Variants in CSMD1 observed in about 807,000 individuals in gnomAD.
The protein encoded by CSMD1 is CUB and Sushi multiple domains 1.
CSMD1 carries 213 observed loss-of-function variants against 417.5 expected under a neutral mutation model. That is an observed-to-expected ratio of 0.51 (90% CI 0.46 to 0.57). The LOEUF is 0.57. CSMD1 is among the 20% of genes least tolerant of loss of function. CSMD1 has a pLI of 0.00. For synonymous variants in CSMD1, 2,862 were observed against 1,736.8 expected (o/e 1.65, Z -16.11); for missense variants, 6,923 against 4,529.7 (o/e 1.53, Z -15.17).
chr8:4,371,931 T>C (rs1802421106), intron 3 of CSMD1, among the ~76,000 whole-genome samples: 1 of 152,210 alleles, frequency 6.6e-6, no homozygotes, highest in Non-Finnish European at 1.5e-5. Flanking sequence ...AGAGTAATGA[T>C]GACGAAAAGT....
intron 3 of CSMD1, among the ~76,000 whole-genome samples, chr8:4,275,748 T>C (rs886777660): frequency 3.3e-5 from 5 of 152,312 alleles, no homozygotes; most frequent in African/African-American, 1.2e-4. Flanking sequence ...CACACACCTG[T>C]GCAAAACACT....
chr8:3,550,751 A>T (rs75147460), intron 10 of CSMD1, among the ~76,000 whole-genome samples: 7,612 of 152,284 alleles, frequency 0.05, 372 homozygotes, highest in African/African-American at 0.12. Flanking sequence ...TTCATGGCCA[A>T]CCAGGCTTGC....
Position 4,115,092 on chromosome 8 carries a change from G to A in CSMD1, c.416-82993C>T, listed in dbSNP as rs73173861. 6.8e-3 allele frequency among the ~76,000 whole-genome samples: 1,042 copies of A among 152,300 alleles called. 9 individuals carry two copies. The highest frequency in any genetic ancestry group is 0.01 in the Middle Eastern group (3 of 294). ...GAGCAAAATGCTGTCAAACGGAATT[G>A]AAACCTAGAGATAAATCTTTCATGA... is the stretch of plus-strand genomic sequence containing the variant. On this transcript the variant is annotated intron_variant, in intron 3 of 69. Transcript: ENST00000635120.
intron 3 of CSMD1, among the ~76,000 whole-genome samples, chr8:4,127,154 C>G (rs959096810): frequency 6.6e-6 from 1 of 152,094 alleles, no homozygotes. Flanking sequence ...GCATCTGCTG[C>G]AGAAACAAAG....
intron 1 of CSMD1, among the ~76,000 whole-genome samples, chr8:4,786,186 T>A (rs1246356873): frequency 1.3e-5 from 2 of 152,226 alleles, no homozygotes; most frequent in African/African-American, 4.8e-5. Flanking sequence ...TGCTCTACCA[T>A]CTTGGCTCTT....
chr8:4,036,918 T>C (rs905184333), intron 3 of CSMD1, among the ~76,000 whole-genome samples: 6 of 152,022 alleles, frequency 3.9e-5, no homozygotes, highest in African/African-American at 9.7e-5. Flanking sequence ...GTTAGGCTCA[T>C]TGGCATGTGC....
chr8:4,181,614 T>A (rs981169456), intron 3 of CSMD1, among the ~76,000 whole-genome samples: 1 of 152,206 alleles, frequency 6.6e-6, no homozygotes, highest in African/African-American at 2.4e-5. Flanking sequence ...AGGCTTAAAA[T>A]TCATTTATAT....
intron 3 of CSMD1, among the ~76,000 whole-genome samples, chr8:4,196,003 C>G (rs148739942): frequency 6.6e-6 from 1 of 151,884 alleles, no homozygotes; most frequent in African/African-American, 2.4e-5. Context: ...TGAGGTCATG[C>G]GATCGAGACC....
chr8:4,272,913 A>G (rs902208997), intron 3 of CSMD1, among the ~76,000 whole-genome samples: 1 of 152,322 alleles, frequency 6.6e-6, no homozygotes, highest in Non-Finnish European at 1.5e-5. Flanking sequence ...CATAGAAATC[A>G]AATAAGAAGT....
intron 7 of CSMD1, among the ~76,000 whole-genome samples, chr8:3,621,724 T>C (rs980355814): frequency 2.0e-5 from 3 of 151,890 alleles, no homozygotes; most frequent in African/African-American, 7.3e-5. Context: ...CAACTACAGG[T>C]GCATGCCACC....
rs868282409 is a variant in CSMD1 at position 4,473,966 on chromosome 8, G to C, written c.303-53901C>G. Among the ~76,000 whole-genome samples, 22 of 152,182 alleles carry C rather than the reference G, an allele frequency of 1.4e-4. 1 individual carries two copies. The highest frequency in any genetic ancestry group is 3.4e-3 in the Middle Eastern group (1 of 294). On this transcript the variant is annotated intron_variant, in intron 2 of 69. Coordinates refer to ENST00000635120, the MANE Select transcript of CSMD1 (RefSeq NM_033225.6). Reference sequence around the variant, plus strand: ...GGTTTTCTACTGGGGGGAGGATTTAGGTACCTGTGTCAAAAGAGACACAAA... The same window carrying C: ...GGTTTTCTACTGGGGGGAGGATTTACGTACCTGTGTCAAAAGAGACACAAA...
chr8:4,665,500 G>T (rs1274399700), intron 1 of CSMD1, among the ~76,000 whole-genome samples: 1 of 152,146 alleles, frequency 6.6e-6, no homozygotes, highest in African/African-American at 2.4e-5. Context: ...AGATCCTCTT[G>T]CTCCTCTGTG....
intron 2 of CSMD1, among the ~76,000 whole-genome samples, chr8:4,591,260 GA>G (rs1799968692): frequency 6.6e-6 from 1 of 152,220 alleles, no homozygotes; most frequent in Non-Finnish European, 1.5e-5. Context: ...ACACCAGGAG[GA>G]AGAGCCAAAT....
rs529845931 is a variant in CSMD1, at chr8:4,688,168, GT to G, written c.86-50611del. ...GGTTCTAAGGTATTTGATTCTAGGA[GT>G]TTTTTGTGAGTGTACGAGAGTCAAG... On this transcript the variant is annotated intron_variant, in intron 1 of 69. Transcript: ENST00000635120. 8.5e-5 allele frequency among the ~76,000 whole-genome samples: 13 copies of G among 152,242 alleles called. No individual in the cohort carries two copies. The East Asian group carries it at 2.5e-3, about 29-fold the overall frequency.
chr8:4,829,139 T>C (rs1389604327), intron 1 of CSMD1, among the ~76,000 whole-genome samples: 1 of 152,230 alleles, frequency 6.6e-6, no homozygotes, highest in African/African-American at 2.4e-5. Flanking sequence ...TTTTGGTTTA[T>C]GATTGATCCT....
chr8:3,935,269 T>C (rs1444737231), intron 5 of CSMD1, among the ~76,000 whole-genome samples: 3 of 152,166 alleles, frequency 2.0e-5, no homozygotes, highest in Non-Finnish European at 4.4e-5. Context: ...TATGAAAGAA[T>C]TTTCATAGAT....
intron 5 of CSMD1, among the ~76,000 whole-genome samples, chr8:3,816,535 A>G (rs1322262511): frequency 2.0e-5 from 3 of 152,236 alleles, no homozygotes; most frequent in African/African-American, 7.2e-5. Context: ...GTTAATAAGT[A>G]CAAATATACA....
rs747828163 is a variant in CSMD1 at position 3,219,396 on chromosome 8, C to G, written c.4531G>C (p.Glu1511Gln). 14 of 1,562,440 alleles carry G rather than the reference C, an allele frequency of 9.0e-6. No homozygotes were observed. The African/African-American group carries it at 9.5e-5, about 11-fold the overall frequency. The change falls in exon 29 of 70, where the codon GAA becomes CAA. Residue 1511 changes from glutamate to glutamine, a missense_variant. Transcript: ENST00000635120. ...CCAATGAGGGGGCTGTTGGAATCTT[C>G]CCCTTCATAGATGTGTAGGAAGTCA... The part of the protein sequence containing the change: ...SYDFLHIYEG[E>Q]DSNSPLIGSY...
At chr8:4,787,252 G>A (rs1797451212) in intron 1 of CSMD1, 2 of 547,354 alleles carry the variant, frequency 3.7e-6, no homozygotes, top group South Asian at 2.1e-5. Flanking sequence ...CCCGCCCAGA[G>A]ATGCTCTCTG....
Sources: gnomAD v4.1 joint callset for allele counts (sites outside exome capture counted in the v4.1 genomes callset) on GRCh38, gnomAD v4.1.1 for gene constraint, MANE v1.5 for transcripts, NCBI Gene and HGNC (gene_info 2026-07-23, HGNC 2026-07-21) for gene names.